Variants in PCDH15 observed in about 807,000 individuals in gnomAD.
The protein encoded by PCDH15 is protocadherin-15.
In PCDH15, 129 loss-of-function variants were observed where a neutral mutation model predicts 178.5. The observed-to-expected ratio is 0.72, with a 90% CI of 0.63 to 0.84. PCDH15 has a LOEUF of 0.84. PCDH15 is among the 40% of genes least tolerant of loss of function. PCDH15 has a pLI of 0.00. For missense variants in PCDH15, 2,230 were observed against 2,099.9 expected (o/e 1.06, Z -1.21); for synonymous variants, 800 against 732.0 (o/e 1.09, Z -1.50).
At chr10:55,567,931 A>G (rs572175768) in intron 2 of PCDH15, among the ~76,000 whole-genome samples, 3 of 152,110 alleles carry the variant, frequency 2.0e-5, no homozygotes, top group African/African-American at 7.2e-5. Flanking sequence ...ATTTGGTAAG[A>G]ATGGAGAGAA....
At chr10:53,951,481 A>G (rs2087039004) in intron 23 of PCDH15, among the ~76,000 whole-genome samples, 1 of 152,242 alleles carries the variant, frequency 6.6e-6, no homozygotes. Flanking sequence ...AAGAATGATC[A>G]CATGGGGCAT....
chr10:54,425,253 T>C (rs1000923786), intron 3 of PCDH15, among the ~76,000 whole-genome samples: 1 of 152,066 alleles, frequency 6.6e-6, no homozygotes, highest in Non-Finnish European at 1.5e-5. Context: ...CCCTCATGAG[T>C]GGATTAATCC....
chr10:55,449,671 A>G (rs1839392442), intron 2 of PCDH15, among the ~76,000 whole-genome samples: 1 of 152,170 alleles, frequency 6.6e-6, no homozygotes, highest in Non-Finnish European at 1.5e-5. Context: ...TTTTATATTA[A>G]TCTTAAAGAC....
At chr10:54,444,876 G>A (rs2076048399) in intron 3 of PCDH15, among the ~76,000 whole-genome samples, 3 of 151,394 alleles carry the variant, frequency 2.0e-5, no homozygotes, top group Admixed American at 6.6e-5. Flanking sequence ...CACAACAATC[G>A]TCCATCTTTA....
chr10:55,232,881 C>T lies in PCDH15; in HGVS notation c.-155-66230G>A, dbSNP rs908129750. ...GGTAAGCCTTCAGATAAAATAGGAG[C>T]CTCAGCTGAGATCTTGATTGTGGCC... On this transcript the variant is annotated intron_variant, in intron 1 of 5. Coordinates refer to the PCDH15 transcript ENST00000458638. 1.1e-4 allele frequency among the ~76,000 whole-genome samples: 17 copies of T among 152,078 alleles called. 1 individual carries two copies. Among genetic ancestry groups the T allele is most frequent in the African/African-American group, 4.1e-4 (17 of 41,360 alleles).
At chr10:55,244,445 C>T (rs1009798586) in intron 1 of PCDH15, among the ~76,000 whole-genome samples, 1 of 152,002 alleles carries the variant, frequency 6.6e-6, no homozygotes, top group African/African-American at 2.4e-5. Context: ...AAAGGAAATA[C>T]TGGACAAACA....
At chr10:54,448,779 G>C (rs1275131935) in intron 3 of PCDH15, among the ~76,000 whole-genome samples, 1 of 151,708 alleles carries the variant, frequency 6.6e-6, no homozygotes, top group African/African-American at 2.4e-5. Context: ...TGAAAGGCTA[G>C]AAAATGTCTT....
Position 54,553,346 on chromosome 10 carries a change from T to C in PCDH15, c.92-25469A>G, listed in dbSNP as rs542815739. 2.0e-5 allele frequency among the ~76,000 whole-genome samples: 3 copies of C among 151,930 alleles called. No homozygotes were observed. In the South Asian group the frequency reaches 6.3e-4, roughly 32 times the overall value. The stretch of plus-strand genomic sequence containing the variant: ...ACTCTGCAACTGTGATGGTGGGGTC[T>C]AGGTATTGATATTGTGTCTCAACTT... On this transcript the variant is annotated intron_variant, in intron 2 of 37. Coordinates refer to ENST00000644397, the MANE Select transcript of PCDH15 (RefSeq NM_001384140.1).
chr10:54,860,773 C>T (rs1591748347), intron 3 of PCDH15, among the ~76,000 whole-genome samples: 1 of 152,066 alleles, frequency 6.6e-6, no homozygotes, highest in Non-Finnish European at 1.5e-5. Flanking sequence ...ACAAACTCTA[C>T]TGAAAATTTG....
intron 1 of PCDH15, among the ~76,000 whole-genome samples, chr10:54,703,470 G>A (rs1254575729): frequency 1.3e-5 from 2 of 151,976 alleles, no homozygotes; most frequent in Non-Finnish European, 2.9e-5. Context: ...GATTCTATAT[G>A]TAGGAAACCC....
At chr10:54,365,156 C>CA in intron 5 of PCDH15, among the ~76,000 whole-genome samples, 1 of 152,138 alleles carries the variant, frequency 6.6e-6, no homozygotes, top group South Asian at 2.1e-4. Context: ...ATCGCATCTG[C>CA]AAAGCTATTT....
At chr10:54,727,974 G>C (rs1356790946) in intron 1 of PCDH15, among the ~76,000 whole-genome samples, 1 of 151,410 alleles carries the variant, frequency 6.6e-6, no homozygotes, top group Admixed American at 6.6e-5. Context: ...CCCTATACCA[G>C]ATATATTTAC....
intron 1 of PCDH15, among the ~76,000 whole-genome samples, chr10:55,192,257 TG>T (rs1208738119): frequency 6.6e-6 from 1 of 151,644 alleles, no homozygotes; most frequent in East Asian, 1.9e-4. Context: ...CCAAAACCAC[TG>T]GGGGGTTATA....
At chr10:54,153,747 AT>A (rs2044806589) in intron 13 of PCDH15, among the ~76,000 whole-genome samples, 1 of 151,610 alleles carries the variant, frequency 6.6e-6, no homozygotes, top group Admixed American at 6.6e-5. Context: ...TTTTACTCTC[AT>A]TTTTCCTTCC....
intron 23 of PCDH15, among the ~76,000 whole-genome samples, chr10:53,944,531 A>G (rs1477759599): frequency 6.6e-6 from 1 of 152,242 alleles, no homozygotes; most frequent in Non-Finnish European, 1.5e-5. Context: ...AAAAAAATGC[A>G]TCACTAGCTC....
intron 8 of PCDH15, among the ~76,000 whole-genome samples, chr10:54,243,161 A>G (rs1380184196): frequency 6.6e-6 from 1 of 152,176 alleles, no homozygotes; most frequent in Non-Finnish European, 1.5e-5. Context: ...TGCTTTTTCA[A>G]TATCTATTAA....
In PCDH15 at chr10:54,141,440, G is replaced by A. The variant is rs532912071; in HGVS notation, c.1785-8433C>T. Among the ~76,000 whole-genome samples the A allele has an allele frequency of 2.6e-5, 4 of 152,290 alleles. No individual in the cohort carries two copies. In the East Asian group the frequency reaches 7.7e-4, roughly 29 times the overall value. On this transcript the variant is annotated intron_variant, in intron 14 of 37. Transcript: ENST00000644397. Reference sequence around the variant, plus strand: ...TATTTTGTAATTTGGAAAAGTAGATGAGAATAGAAGTGTTTAAATGATGTT... The same window carrying A: ...TATTTTGTAATTTGGAAAAGTAGATAAGAATAGAAGTGTTTAAATGATGTT...
chr10:54,191,458 T>C (rs1364687121), intron 11 of PCDH15, among the ~76,000 whole-genome samples: 1 of 152,116 alleles, frequency 6.6e-6, no homozygotes, highest in African/African-American at 2.4e-5. Context: ...TTAGACAAGA[T>C]GTAGCTTGGC....
intron 1 of PCDH15, among the ~76,000 whole-genome samples, chr10:55,252,438 TTTAA>T (rs774424087): frequency 1.4e-3 from 211 of 152,230 alleles, no homozygotes; most frequent in Admixed American, 3.1e-3. Flanking sequence ...TTAAAAAATA[TTTAA>T]TTATTATTTA....
Sources: allele counts gnomAD v4.1 joint callset (sites outside exome capture counted in the v4.1 genomes callset), GRCh38; gene constraint gnomAD v4.1.1; transcripts MANE v1.5; gene names NCBI Gene and HGNC (gene_info 2026-07-23, HGNC 2026-07-21).